MYT1L: variants seen among roughly 807,000 people sequenced by gnomAD.
MYT1L encodes the protein myelin transcription factor 1-like protein.
MYT1L carries 12 observed loss-of-function variants against 126.7 expected under a neutral mutation model. The ratio of observed to expected loss-of-function variants is 0.09; its 90% CI spans 0.06 to 0.15. MYT1L has a LOEUF of 0.15. Among genes scored for constraint, MYT1L ranks in the 10% least tolerant of loss-of-function variants. MYT1L has a pLI of 1.00. For synonymous variants in MYT1L, 541 were observed against 604.2 expected (o/e 0.90, Z 1.53); for missense variants, 979 against 1,585.2 (o/e 0.62, Z 6.49).
intron 3 of MYT1L, among the ~76,000 whole-genome samples, chr2:2,113,475 A>G (rs115888706): frequency 3.6e-4 from 55 of 152,224 alleles, no homozygotes; most frequent in African/African-American, 1.3e-3. Context: ...GAAGACTCCT[A>G]CGTGCTCCCA....
rs147896734 is a variant in MYT1L at position 2,244,895 on chromosome 2, A to G, written c.-421+39509T>C. Among the ~76,000 whole-genome samples, 554 of 152,322 alleles carry G rather than the reference A, an allele frequency of 3.6e-3. 2 individuals carry two copies. Among genetic ancestry groups the G allele is most frequent in the Non-Finnish European group, 6.0e-3 (407 of 68,030 alleles). On this transcript the variant is annotated intron_variant, in intron 2 of 24. Transcript: ENST00000647738. ...ACCTGGGAGAGCTGAGATGGCTACC[A>G]TATTATTTTGAGGTCCTTATTAGAA...
chr2:1,831,206 A>AC (rs1162379806), intron 21 of MYT1L, among the ~76,000 whole-genome samples: 1 of 148,854 alleles, frequency 6.7e-6, no homozygotes, highest in African/African-American at 2.5e-5. Flanking sequence ...TGCTCCGAGG[A>AC]CCCCTGGCTC....
chr2:2,279,021 T>C (rs2095408654), intron 2 of MYT1L, among the ~76,000 whole-genome samples: 1 of 152,176 alleles, frequency 6.6e-6, no homozygotes, highest in South Asian at 2.1e-4. Context: ...CCTGTGTCTC[T>C]GAGATGCAGG....
intron 9 of MYT1L, among the ~76,000 whole-genome samples, chr2:1,935,020 C>T (rs945097881): frequency 2.0e-5 from 3 of 152,096 alleles, no homozygotes; most frequent in Admixed American, 6.5e-5. Context: ...ATATTTCATC[C>T]GTGTCAAAGA....
At chr2:2,179,270 A>C (rs1250875880) in intron 2 of MYT1L, among the ~76,000 whole-genome samples, 3 of 152,176 alleles carry the variant, frequency 2.0e-5, no homozygotes, top group Non-Finnish European at 2.9e-5. Context: ...CAAGAGGCAA[A>C]TGCCCAGATA....
chr2:1,807,078 G>A (rs979642192), intron 22 of MYT1L, among the ~76,000 whole-genome samples: 17 of 152,204 alleles, frequency 1.1e-4, no homozygotes, highest in Non-Finnish European at 1.9e-4. Flanking sequence ...TGTGAGGGTG[G>A]GTCAGGGTAT....
intron 4 of MYT1L, among the ~76,000 whole-genome samples, chr2:1,999,388 A>T (rs2149632134): frequency 6.6e-6 from 1 of 152,366 alleles, no homozygotes; most frequent in African/African-American, 2.4e-5. Context: ...AGTATAAAAC[A>T]GATGGGTAAG....
intron 4 of MYT1L, among the ~76,000 whole-genome samples, chr2:2,013,901 G>A (rs1422932620): frequency 6.6e-6 from 1 of 152,264 alleles, no homozygotes; most frequent in African/African-American, 2.4e-5. Context: ...CATAGGTGGA[G>A]TCCTTCCCAC....
Position 2,228,914 on chromosome 2 carries a change from T to C in MYT1L, c.-421+55490A>G, listed in dbSNP as rs1468474492. Among the ~76,000 whole-genome samples the C allele has an allele frequency of 2.6e-5, 4 of 152,106 alleles. No homozygotes were observed. Among genetic ancestry groups the C allele is most frequent in the Non-Finnish European group, 5.9e-5 (4 of 68,030 alleles). ...AAAATACAGGACAAGGGCAAGTTAA[T>C]AAGAAGAAACACAAGCAGTAGAGAA... is the stretch of plus-strand genomic sequence containing the variant. On this transcript the variant is annotated intron_variant, in intron 2 of 24. Transcript: ENST00000647738. This position sits in a 1 kb window ranked among gnomAD's most constrained non-coding sequence, Gnocchi z 5.9.
chr2:2,142,218 G>C (rs539486689), intron 3 of MYT1L, among the ~76,000 whole-genome samples: 1 of 152,034 alleles, frequency 6.6e-6, no homozygotes, highest in Non-Finnish European at 1.5e-5. Flanking sequence ...CTTGTGTTAC[G>C]AGTTGCAATC....
intron 3 of MYT1L, among the ~76,000 whole-genome samples, chr2:2,156,984 C>G (rs941478828): frequency 6.6e-6 from 1 of 152,186 alleles, no homozygotes; most frequent in Non-Finnish European, 1.5e-5. Flanking sequence ...GGGAAAATCT[C>G]AAGATTTCAT....
Position 1,910,882 on chromosome 2 carries a change from G to C in MYT1L, c.1710-535C>G, listed in dbSNP as rs1484566739. 6.6e-6 allele frequency among the ~76,000 whole-genome samples: 1 copy of C among 152,168 alleles called. No homozygotes were observed. The highest frequency in any genetic ancestry group is 1.9e-4 in the East Asian group (1 of 5,196). On this transcript the variant is annotated intron_variant, in intron 12 of 24. Coordinates refer to ENST00000647738, the MANE Select transcript of MYT1L (RefSeq NM_001303052.2). This position sits in a 1 kb window ranked among gnomAD's most constrained non-coding sequence, Gnocchi z 4.8. The stretch of plus-strand genomic sequence containing the variant: ...GAGAGGAAAGCAGAATGATTTCTAG[G>C]ACTGCAATAAAATGTTTTGTGGAGC...
At position 2,003,707 on chromosome 2, in the gene MYT1L, T is replaced by C. The variant is rs534273028; in HGVS notation, c.-157-6360A>G. On this transcript the variant is annotated intron_variant, in intron 4 of 24. Transcript: ENST00000647738. ...AGACAGCACCCTGGTGTGGGGCCCA[T>C]GGGTGCTTAGGGCTGCCGAGCCTCC... Among the ~76,000 whole-genome samples the C allele has an allele frequency of 5.9e-5, 9 of 152,316 alleles. No homozygotes were observed. In the South Asian group the frequency reaches 1.9e-3, roughly 32 times the overall value.
chr2:2,021,797 T>C (rs2065057499), intron 4 of MYT1L, among the ~76,000 whole-genome samples: 1 of 152,070 alleles, frequency 6.6e-6, no homozygotes, highest in African/African-American at 2.4e-5. Flanking sequence ...CTCAGGAGGC[T>C]GAGGCAGGAG....
At chr2:1,803,226 C>T (rs571472198) in intron 22 of MYT1L, among the ~76,000 whole-genome samples, 23 of 152,282 alleles carry the variant, frequency 1.5e-4, no homozygotes, top group Non-Finnish European at 2.8e-4. Flanking sequence ...AAATTATGAA[C>T]GAACGTATCA....
chr2:2,097,969 G>A (rs2077629508), intron 3 of MYT1L, among the ~76,000 whole-genome samples: 1 of 152,102 alleles, frequency 6.6e-6, no homozygotes, highest in Non-Finnish European at 1.5e-5. Flanking sequence ...TAAAAGTGTG[G>A]CACCTCCCCG....
intron 1 of MYT1L, chr2:2,324,650 G>A (rs2096222031): frequency 6.5e-6 from 1 of 152,736 alleles, no homozygotes; most frequent in Admixed American, 6.5e-5. Flanking sequence ...CCATCAAAAG[G>A]CAGCAGACAG....
At chr2:2,233,467 C>T (rs2094208510) in intron 2 of MYT1L, among the ~76,000 whole-genome samples, 2 of 152,162 alleles carry the variant, frequency 1.3e-5, no homozygotes, top group Non-Finnish European at 2.9e-5. Context: ...GTCTTGGAGG[C>T]CGCCTGCTCT....
intron 4 of MYT1L, among the ~76,000 whole-genome samples, chr2:2,027,733 G>A (rs6722647): frequency 0.018 from 2,750 of 152,276 alleles, 65 homozygotes; most frequent in African/African-American, 0.054. Flanking sequence ...ATTACTGGGC[G>A]ATACTGGGCC....
Sources: allele counts gnomAD v4.1 joint callset (sites outside exome capture counted in the v4.1 genomes callset), GRCh38; gene constraint gnomAD v4.1.1; non-coding constraint Gnocchi (gnomAD v3.1); transcripts MANE v1.5; gene names NCBI Gene and HGNC (gene_info 2026-07-23, HGNC 2026-07-21).